The following NR2C2 variants were observed in gnomAD, a reference collection of about 807,000 sequenced individuals.
NR2C2 encodes the protein Nuclear hormone receptor TR4.
Under a neutral mutation model 62.9 loss-of-function variants are expected in NR2C2, and 6 were observed. That is an observed-to-expected ratio of 0.10 (90% CI 0.05 to 0.19). The LOEUF is 0.19. Among genes scored for constraint, NR2C2 ranks in the 10% least tolerant of loss-of-function variants. The probability of loss-of-function intolerance (pLI) is 1.00; values close to 1 mark genes in which losing one functional copy is unlikely to be tolerated. For missense variants in NR2C2, 479 were observed against 762.7 expected (o/e 0.63, Z 4.38); for synonymous variants, 272 against 273.8 (o/e 0.99, Z 0.07).
intron 1 of NR2C2, among the ~76,000 whole-genome samples, chr3:14,950,381 G>T (rs1325411339): frequency 1.3e-5 from 2 of 152,206 alleles, no homozygotes; most frequent in South Asian, 2.1e-4. Flanking sequence ...TAGAACCCAC[G>T]TAATGGCAGA....
chr3:14,999,403 A>T (rs1420762278), intron 1 of NR2C2, among the ~76,000 whole-genome samples: 1 of 151,982 alleles, frequency 6.6e-6, no homozygotes, highest in African/African-American at 2.4e-5. Context: ...GGTTGGGAGG[A>T]TTGCTTGGGC....
At chr3:15,037,054 G>A (rs1237009819) in intron 11 of NR2C2, among the ~76,000 whole-genome samples, 3 of 151,938 alleles carry the variant, frequency 2.0e-5, no homozygotes, top group African/African-American at 4.8e-5. Flanking sequence ...CCTGGGAGGC[G>A]GAGGCTGCAG....
At chr3:14,998,127 T>TC (rs2040884757) in intron 1 of NR2C2, among the ~76,000 whole-genome samples, 1 of 152,268 alleles carries the variant, frequency 6.6e-6, no homozygotes, top group South Asian at 2.1e-4. Context: ...CAAATAATAC[T>TC]CCATTACATG....
At chr3:15,038,859 G>T (rs113553343) in intron 12 of NR2C2, 1 of 371,996 alleles carries the variant, frequency 2.7e-6, no homozygotes. Context: ...GTAGTAGGAA[G>T]CCAGATGTCC....
At chr3:14,993,393 A>T (rs1418169803) in intron 1 of NR2C2, among the ~76,000 whole-genome samples, 1 of 151,772 alleles carries the variant, frequency 6.6e-6, no homozygotes, top group Admixed American at 6.6e-5. Context: ...GGCGGAGGTT[A>T]CAGTGAGCCG....
intron 11 of NR2C2, 65 bp downstream of exon 11, chr3:15,034,874 C>T (rs1183796983): frequency 1.4e-6 from 2 of 1,466,780 alleles, no homozygotes. Context: ...GGAGCAGAGC[C>T]CAGCCCCCTG....
chr3:15,040,087 T>C (rs1575045911), intron 13 of NR2C2, among the ~76,000 whole-genome samples: 1 of 150,862 alleles, frequency 6.6e-6, no homozygotes, highest in South Asian at 2.1e-4. Flanking sequence ...CCTGGTAGGG[T>C]GGGCAGAGGT....
intron 2 of NR2C2, among the ~76,000 whole-genome samples, chr3:15,007,582 A>T (rs1436244250): frequency 1.3e-5 from 2 of 152,148 alleles, no homozygotes; most frequent in Admixed American, 6.5e-5. Flanking sequence ...TAAAAGTTTC[A>T]TGAGGGCAGG....
At chr3:15,038,311 C>T in intron 12 of NR2C2, 174 bp downstream of exon 12, 1 of 556,944 alleles carries the variant, frequency 1.8e-6, no homozygotes, top group African/African-American at 1.9e-5. Flanking sequence ...TAAATTCTTG[C>T]CTTTACAGCC....
Position 15,043,738 on chromosome 3 carries a change from T to C in NR2C2, c.*730T>C, listed in dbSNP as rs1019555285. 4 of 152,218 alleles carry C rather than the reference T, an allele frequency of 2.6e-5. No homozygotes were observed. The highest frequency in any genetic ancestry group is 9.7e-5 in the African/African-American group (4 of 41,444). The allele number at this position is 152,218 out of a possible 1,614,324, so 9.4% of individuals were successfully genotyped here. A position where few individuals can be genotyped will look rare whatever the true frequency, so the allele number is the denominator to read the frequency against. On this transcript the variant is annotated 3_prime_UTR_variant, in exon 14 of 14. Coordinates refer to ENST00000425241, the MANE Select transcript of NR2C2 (RefSeq NM_001291694.2). ...AGCCATAGAGCAGACACTTGTCAGG[T>C]TCCCTGACTACTTGGTCCTGGTCTC...
At chr3:14,977,875 G>A (rs1057055838) in intron 1 of NR2C2, among the ~76,000 whole-genome samples, 2 of 150,476 alleles carry the variant, frequency 1.3e-5, no homozygotes, top group African/African-American at 4.9e-5. Flanking sequence ...TGAGGCACAA[G>A]AATTGCTTGA....
intron 1 of NR2C2, among the ~76,000 whole-genome samples, chr3:14,967,664 T>G (rs2039896470): frequency 6.6e-6 from 1 of 152,228 alleles, no homozygotes; most frequent in Admixed American, 6.5e-5. Flanking sequence ...TAATTTTGCT[T>G]TTCATATATT....
chr3:15,043,603 A>T lies in NR2C2; in HGVS notation c.*595A>T, dbSNP rs1553576842. ...AGGCATCATTCCTAATTGTGTGCACATGTTGTGGAGTTGAGCTGAATTCTG... is the reference window on the plus strand; with the variant it reads ...AGGCATCATTCCTAATTGTGTGCACTTGTTGTGGAGTTGAGCTGAATTCTG... On this transcript the variant is annotated 3_prime_UTR_variant, in exon 14 of 14. Transcript: ENST00000425241. 6.5e-6 allele frequency: 1 copy of T among 152,724 alleles called. No homozygotes were observed. The highest frequency in any genetic ancestry group is 1.5e-5 in the Non-Finnish European group (1 of 68,064). 9.5% of individuals were successfully genotyped at this position (152,724 alleles called of 1,614,324 possible).
intron 2 of NR2C2, chr3:15,004,496 C>T: frequency 6.8e-7 from 1 of 1,459,870 alleles, no homozygotes; most frequent in Non-Finnish European, 9.3e-7. Context: ...TATATAATAA[C>T]TTATTACTAA....
intron 1 of NR2C2, among the ~76,000 whole-genome samples, chr3:14,967,789 G>A (rs1232005428): frequency 1.3e-5 from 2 of 152,150 alleles, no homozygotes. Context: ...CCAAAACAGA[G>A]ATATAGATCA....
In NR2C2 at chr3:15,045,854, T is replaced by TC. The variant is rs909536696; in HGVS notation, c.*2848dup. 10 of 152,184 alleles carry TC rather than the reference T, an allele frequency of 6.6e-5. No individual in the cohort carries two copies. The highest frequency in any genetic ancestry group is 2.2e-4 in the African/African-American group (9 of 41,420). 9.4% of individuals were successfully genotyped at this position (152,184 alleles called of 1,614,324 possible). On this transcript the variant is annotated 3_prime_UTR_variant, in exon 14 of 14. Transcript: ENST00000425241. Reference sequence around the variant, plus strand: ...CTCCCTCTTCTACTGGCCTGGCTGCTCCTCCCTCAATGAGGAGAGGCAGCT... The same window carrying TC: ...CTCCCTCTTCTACTGGCCTGGCTGCTCCCTCCCTCAATGAGGAGAGGCAGCT...
rs2042369207 is a variant in NR2C2, at chr3:15,044,140, C to T, written c.*1132C>T. 6.6e-6 allele frequency: 1 copy of T among 152,254 alleles called. No homozygotes were observed. Among genetic ancestry groups the T allele is most frequent in the Non-Finnish European group, 1.5e-5 (1 of 68,098 alleles). 9.4% of individuals were successfully genotyped at this position (152,254 alleles called of 1,614,324 possible). On this transcript the variant is annotated 3_prime_UTR_variant, in exon 14 of 14. Transcript: ENST00000425241. Reference sequence around the variant, plus strand: ...ACTGTGAGGCTGGATTGGGGCTGGGCAGGAGCCTGCTGCCGCCTGGCGAGA... The same window carrying T: ...ACTGTGAGGCTGGATTGGGGCTGGGTAGGAGCCTGCTGCCGCCTGGCGAGA...
chr3:15,028,729 C>T lies in NR2C2; in HGVS notation c.932+10C>T. The T allele has an allele frequency of 6.2e-7, 1 of 1,612,818 alleles. No individual in the cohort carries two copies. Among genetic ancestry groups the T allele is most frequent in the Non-Finnish European group, 8.5e-7 (1 of 1,178,960 alleles). ...CAAGTGAGATAACTCGGTACGAGCCCATGAGGATGGAGTCTCCCCTCCTCG... is the reference window on the plus strand; with the variant it reads ...CAAGTGAGATAACTCGGTACGAGCCTATGAGGATGGAGTCTCCCCTCCTCG... On this transcript the variant is annotated intron_variant, in intron 8 of 13. Coordinates refer to ENST00000425241, the MANE Select transcript of NR2C2 (RefSeq NM_001291694.2).
At chr3:14,979,691 C>T (rs1278440155) in intron 1 of NR2C2, among the ~76,000 whole-genome samples, 1 of 151,816 alleles carries the variant, frequency 6.6e-6, no homozygotes, top group Non-Finnish European at 1.5e-5. Context: ...GAGGAGCATG[C>T]TTGGTACAAT....
Sources: allele counts gnomAD v4.1 joint callset (sites outside exome capture counted in the v4.1 genomes callset), GRCh38; gene constraint gnomAD v4.1.1; transcripts MANE v1.5; gene names NCBI Gene and HGNC (gene_info 2026-07-23, HGNC 2026-07-21).